Variants in ABTB2 observed in about 807,000 individuals in gnomAD.
The protein encoded by ABTB2 is ankyrin repeat and BTB domain containing 2.
Under a neutral mutation model 104.1 loss-of-function variants are expected in ABTB2, and 56 were observed. The observed-to-expected ratio is 0.54, with a 90% CI of 0.43 to 0.67. ABTB2 has a LOEUF of 0.67. Ranked by LOEUF, ABTB2 falls within the 30% of genes least tolerant of loss-of-function variation. The probability of loss-of-function intolerance (pLI) is 0.00; values close to 1 mark genes in which losing one functional copy is unlikely to be tolerated. For synonymous variants in ABTB2, 606 were observed against 608.2 expected, an observed-to-expected ratio of 1.00 and a Z score of 0.05; for missense variants, 1,279 against 1,407.7, an observed-to-expected ratio of 0.91 and a Z score of 1.46.
intron 1 of ABTB2, among the ~76,000 whole-genome samples, chr11:34,273,225 C>T (rs1461659924): frequency 6.6e-6 from 1 of 152,168 alleles, no homozygotes; most frequent in Non-Finnish European, 1.5e-5. Context: ...GCCTTCTTTT[C>T]CTTTGGTTAA....
chr11:34,182,358 G>A lies in ABTB2; in HGVS notation c.1245-9051C>T, dbSNP rs1443120012. ...TGGTTTGGCATGGCTTGGAGGCAGA[G>A]TTGGGCATGGTTCCCTCTTCGGACC... On this transcript the variant is annotated intron_variant, in intron 3 of 16. Coordinates refer to ENST00000435224, the MANE Select transcript of ABTB2 (RefSeq NM_145804.3). 2.0e-5 allele frequency among the ~76,000 whole-genome samples: 3 copies of A among 152,282 alleles called. No individual in the cohort carries two copies. The East Asian group carries it at 5.8e-4, about 29-fold the overall frequency.
chr11:34,301,511 G>A (rs903058015), intron 1 of ABTB2, among the ~76,000 whole-genome samples: 1 of 152,164 alleles, frequency 6.6e-6, no homozygotes. Flanking sequence ...CACCAACAAA[G>A]CATGAAGGCC....
chr11:34,273,075 T>C (rs1228699421), intron 1 of ABTB2, among the ~76,000 whole-genome samples: 2 of 152,142 alleles, frequency 1.3e-5, no homozygotes, highest in African/African-American at 4.8e-5. Flanking sequence ...AAACATTCCA[T>C]GATTTTTAGC....
rs544312532 is a variant in ABTB2, at chr11:34,151,454, C to A, written c.*933G>T. ...CAAGAGTCACAGTCCCCAGTGGGAC[C>A]TGTTTGCCCAGCTCTCAATCCTACA... On this transcript the variant is annotated 3_prime_UTR_variant, in exon 17 of 17. Transcript: ENST00000435224. The A allele has an allele frequency of 8.5e-5, 13 of 152,390 alleles. No individual in the cohort carries two copies. Among genetic ancestry groups the A allele is most frequent in the African/African-American group, 3.1e-4 (13 of 41,590 alleles). 9.4% of individuals were successfully genotyped at this position (152,390 alleles called of 1,614,324 possible). A position where few individuals can be genotyped will look rare whatever the true frequency, so the allele number is the denominator to read the frequency against.
At chr11:34,305,555 G>C (rs1305250172) in intron 1 of ABTB2, among the ~76,000 whole-genome samples, 1 of 152,186 alleles carries the variant, frequency 6.6e-6, no homozygotes, top group Non-Finnish European at 1.5e-5. Flanking sequence ...GGTGGCTTTG[G>C]AGCTTGACAG....
chr11:34,284,836 C>T (rs184584196), intron 1 of ABTB2, among the ~76,000 whole-genome samples: 318 of 152,378 alleles, frequency 2.1e-3, no homozygotes, highest in African/African-American at 7.4e-3. Flanking sequence ...TGCCTGCACA[C>T]ACCCCACCTG....
chr11:34,210,011 G>C (rs1692156438), intron 1 of ABTB2, among the ~76,000 whole-genome samples: 1 of 152,042 alleles, frequency 6.6e-6, no homozygotes, highest in South Asian at 2.1e-4. Flanking sequence ...CCAGTTCTCA[G>C]AAGACTGGGA....
At chr11:34,168,060 T>G in intron 5 of ABTB2, 68 bp from the exon 6 acceptor site, 1 of 1,501,358 alleles carries the variant, frequency 6.7e-7, no homozygotes, top group Non-Finnish European at 9.1e-7. Context: ...CCCACAGGCC[T>G]CTGCCCCAGA....
intron 3 of ABTB2, among the ~76,000 whole-genome samples, chr11:34,193,274 T>C (rs1427625022): frequency 1.3e-5 from 2 of 152,174 alleles, no homozygotes; most frequent in African/African-American, 4.8e-5. Context: ...CTCTGCCTTG[T>C]GCCTGGCTGG....
At chr11:34,335,741 A>C (rs1397052324) in intron 1 of ABTB2, 4 of 1,397,902 alleles carry the variant, frequency 2.9e-6, no homozygotes, top group Non-Finnish European at 4.1e-6. Context: ...TTCTTCTGTG[A>C]AGCAGTCCCA....
chr11:34,240,455 AG>A (rs1458837597), intron 1 of ABTB2, among the ~76,000 whole-genome samples: 3 of 152,200 alleles, frequency 2.0e-5, no homozygotes, highest in Non-Finnish European at 4.4e-5. Context: ...CTGCCTGACA[AG>A]GATCCCACCT....
chr11:34,277,566 T>C (rs1212907173), intron 1 of ABTB2, among the ~76,000 whole-genome samples: 1 of 151,380 alleles, frequency 6.6e-6, no homozygotes, highest in African/African-American at 2.4e-5. Context: ...GGTGGATCAC[T>C]TGAGGTCAGG....
chr11:34,233,479 T>C (rs1458491108), intron 1 of ABTB2, among the ~76,000 whole-genome samples: 3 of 151,874 alleles, frequency 2.0e-5, no homozygotes, highest in African/African-American at 7.3e-5. Context: ...GCCTCCCAAT[T>C]AGCTGGGACC....
intron 1 of ABTB2, among the ~76,000 whole-genome samples, chr11:34,248,382 G>C (rs1854012201): frequency 6.6e-6 from 1 of 151,912 alleles, no homozygotes; most frequent in Admixed American, 6.6e-5. Context: ...ACTGTACCTG[G>C]CCTCTGTTCA....
chr11:34,344,817 A>G (rs1183793646), intron 1 of ABTB2, among the ~76,000 whole-genome samples: 1 of 152,160 alleles, frequency 6.6e-6, no homozygotes, highest in East Asian at 1.9e-4. Context: ...TGATATCTGT[A>G]TGTGATTTGA....
intron 3 of ABTB2, among the ~76,000 whole-genome samples, chr11:34,188,544 A>G (rs910931720): frequency 6.6e-6 from 1 of 152,222 alleles, no homozygotes; most frequent in Non-Finnish European, 1.5e-5. Context: ...ATACACGGAA[A>G]CAAGTACTTA....
intron 1 of ABTB2, among the ~76,000 whole-genome samples, chr11:34,208,733 C>T (rs889750158): frequency 4.5e-4 from 68 of 152,050 alleles, no homozygotes; most frequent in African/African-American, 1.6e-3. Flanking sequence ...CGTGGCCACC[C>T]GGTTGCCCAA....
At chr11:34,296,905 GA>G in intron 1 of ABTB2, among the ~76,000 whole-genome samples, 1 of 152,184 alleles carries the variant, frequency 6.6e-6, no homozygotes, top group Non-Finnish European at 1.5e-5. Flanking sequence ...GCAGGATGAA[GA>G]AGAAAATGTT....
At chr11:34,212,593 G>A (rs1364975273) in intron 1 of ABTB2, among the ~76,000 whole-genome samples, 1 of 152,190 alleles carries the variant, frequency 6.6e-6, no homozygotes, top group Non-Finnish European at 1.5e-5. Flanking sequence ...CAGACCCAGT[G>A]TGTCTGATAC....
Sources: gnomAD v4.1 joint callset for allele counts (sites outside exome capture counted in the v4.1 genomes callset) on GRCh38, gnomAD v4.1.1 for gene constraint, MANE v1.5 for transcripts, NCBI Gene and HGNC (gene_info 2026-07-23, HGNC 2026-07-21) for gene names.